SAMD5: variants seen among roughly 807,000 people sequenced by gnomAD.
The protein encoded by SAMD5 is sterile alpha motif domain containing 5.
Under a neutral mutation model 11.3 loss-of-function variants are expected in SAMD5, and 13 were observed. The ratio of observed to expected loss-of-function variants is 1.15; its 90% CI spans 0.75 to 1.83. The LOEUF (loss-of-function observed/expected upper bound fraction) is 1.83. SAMD5 is among the 40% of genes most tolerant of loss of function. SAMD5 has a pLI of 0.00. For missense variants in SAMD5, 255 were observed against 239.1 expected (o/e 1.07, Z -0.44); for synonymous variants, 129 against 111.3 (o/e 1.16, Z -1.00).
At chr6:147,722,332 A>G (rs1791567137) in intron 1 of SAMD5, among the ~76,000 whole-genome samples, 1 of 152,116 alleles carries the variant, frequency 6.6e-6, no homozygotes, top group Non-Finnish European at 1.5e-5. Context: ...GCATTCACAG[A>G]CACCATGAAA....
the SAMD5 span, among the ~76,000 whole-genome samples, chr6:147,883,596 C>G: frequency 6.6e-6 from 1 of 152,106 alleles, no homozygotes; most frequent in Non-Finnish European, 1.5e-5. Flanking sequence ...GTAGCCTTTA[C>G]AAAATTGGGT....
At chr6:147,730,853 G>A (rs543945810) in intron 1 of SAMD5, among the ~76,000 whole-genome samples, 15 of 152,284 alleles carry the variant, frequency 9.9e-5, no homozygotes, top group Non-Finnish European at 2.1e-4. Flanking sequence ...GACCATTGGT[G>A]CTGGCAGTGT....
intron 1 of SAMD5, among the ~76,000 whole-genome samples, chr6:147,683,267 A>G (rs1225608959): frequency 1.3e-5 from 2 of 152,228 alleles, no homozygotes; most frequent in African/African-American, 2.4e-5. Flanking sequence ...GGGCTTATTT[A>G]CACATAGGTG....
At chr6:147,689,013 G>T (rs1041131468) in intron 1 of SAMD5, among the ~76,000 whole-genome samples, 3 of 152,188 alleles carry the variant, frequency 2.0e-5, no homozygotes, top group Admixed American at 2.0e-4. Context: ...TTAAGTAGTG[G>T]AAGTATGTGT....
At chr6:147,761,426 G>A in the SAMD5 span, among the ~76,000 whole-genome samples, 1 of 151,988 alleles carries the variant, frequency 6.6e-6, no homozygotes, top group African/African-American at 2.4e-5. Flanking sequence ...AGAGACTAAG[G>A]TATATAAAAC....
At chr6:147,712,028 G>A (rs1437176146) in intron 1 of SAMD5, among the ~76,000 whole-genome samples, 1 of 152,118 alleles carries the variant, frequency 6.6e-6, no homozygotes, top group African/African-American at 2.4e-5. Context: ...AATTTTTGAA[G>A]AAAATGTCTC....
chr6:147,790,105 T>G, the SAMD5 span, among the ~76,000 whole-genome samples: 2 of 152,024 alleles, frequency 1.3e-5, no homozygotes, highest in African/African-American at 2.4e-5. Flanking sequence ...AAAACCTAAA[T>G]CCAAAGAAAA....
intron 1 of SAMD5, among the ~76,000 whole-genome samples, chr6:147,618,170 G>A (rs76437318): frequency 2.6e-5 from 4 of 152,204 alleles, no homozygotes; most frequent in Admixed American, 6.5e-5. Context: ...TTCTTCAAAC[G>A]TTGGTTGAGT....
the SAMD5 span, among the ~76,000 whole-genome samples, chr6:147,786,436 T>C: frequency 6.6e-6 from 1 of 152,230 alleles, no homozygotes; most frequent in South Asian, 2.1e-4. Context: ...CTTCATTTTG[T>C]GAGGCGAATA....
the SAMD5 span, among the ~76,000 whole-genome samples, chr6:147,813,723 C>G: frequency 2.6e-5 from 4 of 152,134 alleles, no homozygotes; most frequent in Non-Finnish European, 5.9e-5. Context: ...TAGCAATATG[C>G]CTTCTTTTGC....
At chr6:147,795,050 G>A in the SAMD5 span, among the ~76,000 whole-genome samples, 1 of 134,364 alleles carries the variant, frequency 7.4e-6, no homozygotes, top group South Asian at 2.4e-4. Context: ...TACATACTAT[G>A]GATCCCATCC....
rs1189268347 is a variant in SAMD5, at chr6:147,569,313, C to T, written c.*4857C>T. On this transcript the variant is annotated 3_prime_UTR_variant, in exon 2 of 2. Coordinates refer to ENST00000367474, the MANE Select transcript of SAMD5 (RefSeq NM_001030060.3). Reference sequence around the variant, plus strand: ...TAATTTTTTAAAATTGTTTAAACTCCTGGAAATTAAGTGTTATTTTTTATT... The same window carrying T: ...TAATTTTTTAAAATTGTTTAAACTCTTGGAAATTAAGTGTTATTTTTTATT... The T allele has an allele frequency of 2.5e-5, 12 of 487,422 alleles. No homozygotes were observed. Among genetic ancestry groups the T allele is most frequent in the Non-Finnish European group, 3.2e-5 (12 of 376,932 alleles). 30.2% of individuals were successfully genotyped at this position (487,422 alleles called of 1,614,324 possible).
At chr6:147,778,579 C>T in the SAMD5 span, among the ~76,000 whole-genome samples, 1 of 152,144 alleles carries the variant, frequency 6.6e-6, no homozygotes, top group Non-Finnish European at 1.5e-5. Flanking sequence ...CTTTTCCTTT[C>T]TTTCTACATA....
At chr6:147,572,749 A>G (rs1418771450), downstream of SAMD5, among the ~76,000 whole-genome samples, 3 of 152,206 alleles carry the variant, frequency 2.0e-5, no homozygotes, top group Non-Finnish European at 4.4e-5. Context: ...AATCACATAC[A>G]TGTTAGTATA....
At chr6:147,839,623 A>G in the SAMD5 span, among the ~76,000 whole-genome samples, 1 of 152,090 alleles carries the variant, frequency 6.6e-6, no homozygotes, top group Non-Finnish European at 1.5e-5. Context: ...GGTGGCATGC[A>G]TCTGTAATCC....
Position 147,713,369 on chromosome 6 carries a change from T to G in SAMD5, c.163-23948T>G, listed in dbSNP as rs368808693. Among the ~76,000 whole-genome samples the G allele has an allele frequency of 1.2e-3, 186 of 152,322 alleles. 3 individuals are homozygous for G. In the South Asian group the frequency reaches 0.023, roughly 19 times the overall value. On this transcript the variant is annotated intron_variant, in intron 1 of 1. Coordinates refer to the SAMD5 transcript ENST00000566741. ...TTATATACCCTGGGTTCCACTTGGT[T>G]TGCCGAGTCGAGTGCTGTAAAACAT...
chr6:147,800,591 C>T, the SAMD5 span, among the ~76,000 whole-genome samples: 1 of 152,250 alleles, frequency 6.6e-6, no homozygotes, highest in Admixed American at 6.5e-5. Flanking sequence ...CTGTGGTGGG[C>T]TCCACCCAGT....
the SAMD5 span, among the ~76,000 whole-genome samples, chr6:147,806,740 T>C: frequency 1.3e-5 from 2 of 152,160 alleles, no homozygotes; most frequent in African/African-American, 4.8e-5. Context: ...TCAGCAACTT[T>C]GAGAGTGCTG....
intron 1 of SAMD5, among the ~76,000 whole-genome samples, chr6:147,722,791 T>A (rs1461451295): frequency 6.6e-6 from 1 of 152,234 alleles, no homozygotes; most frequent in Admixed American, 6.5e-5. Flanking sequence ...CACTCAATAG[T>A]ATTAACACCT....
Sources: gnomAD v4.1 joint callset for allele counts (sites outside exome capture counted in the v4.1 genomes callset) on GRCh38, gnomAD v4.1.1 for gene constraint, MANE v1.5 for transcripts, NCBI Gene and HGNC (gene_info 2026-07-23, HGNC 2026-07-21) for gene names.